COL10A1: variants seen among roughly 807,000 people sequenced by gnomAD.
The protein encoded by COL10A1 is collagen alpha-1(X) chain.
In COL10A1, 10 loss-of-function variants were observed where a neutral mutation model predicts 18.2. That is an observed-to-expected ratio of 0.55 (90% CI 0.34 to 0.93). COL10A1 has a LOEUF of 0.93. Among genes scored for constraint, COL10A1 ranks in the 40% least tolerant of loss-of-function variants. The pLI is 0.02. For synonymous variants in COL10A1, 330 were observed against 316.6 expected (o/e 1.04, Z -0.45); for missense variants, 897 against 853.5 (o/e 1.05, Z -0.64).
At chr6:116,141,004 T>C (rs980375403) in intron 1 of COL10A1, among the ~76,000 whole-genome samples, 1 of 152,186 alleles carries the variant, frequency 6.6e-6, no homozygotes, top group Admixed American at 6.5e-5. Flanking sequence ...TATGTATATT[T>C]TTCTGCTTCA....
chr6:116,146,438 T>G (rs1779899106), intron 1 of COL10A1, among the ~76,000 whole-genome samples: 1 of 152,124 alleles, frequency 6.6e-6, no homozygotes, highest in Non-Finnish European at 1.5e-5. Context: ...AGTAAATAAC[T>G]GGAGTTGCTT....
At position 116,120,579 on chromosome 6, in the gene COL10A1, G is replaced by A; in HGVS notation, c.1537C>T (p.Pro513Ser). ...EPGLPGPPGP[P>S]GPPGQAVMPE... ...ATGACTGCTTGACCTGGTGGGCCTGGAGGCCCAGGGGGCCCTGGAAGACCA... is the reference window on the plus strand; with the variant it reads ...ATGACTGCTTGACCTGGTGGGCCTGAAGGCCCAGGGGGCCCTGGAAGACCA... Residue 513 changes from proline to serine, a missense_variant, in exon 3 of 3, where the codon CCA becomes TCA. Coordinates refer to ENST00000651968, the MANE Select transcript of COL10A1 (RefSeq NM_000493.4). 6.3e-7 allele frequency: 1 copy of A among 1,599,026 alleles called. No individual in the cohort carries two copies. Among genetic ancestry groups the A allele is most frequent in the Non-Finnish European group, 8.5e-7 (1 of 1,173,868 alleles).
At chr6:116,215,683 C>A in the COL10A1 span, among the ~76,000 whole-genome samples, 1 of 152,094 alleles carries the variant, frequency 6.6e-6, no homozygotes, top group Non-Finnish European at 1.5e-5. Flanking sequence ...AAACTAGGTT[C>A]TTTTAGAATG....
At chr6:116,215,219 T>A in the COL10A1 span, among the ~76,000 whole-genome samples, 1 of 152,186 alleles carries the variant, frequency 6.6e-6, no homozygotes, top group Non-Finnish European at 1.5e-5. Flanking sequence ...GGAGGACACA[T>A]GCTTCTTACC....
In COL10A1 at chr6:116,125,637, G is replaced by A; in HGVS notation, c.-15-130C>T. ...CCTATCCTATATATTTTTAATATGT[G>A]CCATAAATAAATGAGAGATCATTTT... On this transcript the variant is annotated intron_variant, in intron 1 of 2. Transcript: ENST00000651968. The A allele has an allele frequency of 4.0e-6, 3 of 742,528 alleles. No individual in the cohort carries two copies. The South Asian group carries it at 5.6e-5, about 14-fold the overall frequency. The allele number at this position is 742,528 out of a possible 1,614,324, so 46.0% of individuals were successfully genotyped here.
intron 1 of COL10A1, among the ~76,000 whole-genome samples, chr6:116,154,258 T>C (rs993211369): frequency 2.0e-5 from 3 of 152,182 alleles, no homozygotes; most frequent in African/African-American, 7.2e-5. Context: ...ATATTCAATA[T>C]TTTAACAAAA....
intron 1 of COL10A1, among the ~76,000 whole-genome samples, chr6:116,143,358 G>C (rs977506268): frequency 6.6e-6 from 1 of 152,108 alleles, no homozygotes; most frequent in Admixed American, 6.6e-5. Context: ...TTATAGGCAT[G>C]CATCACCATA....
chr6:116,191,413 A>AT, the COL10A1 span, among the ~76,000 whole-genome samples: 879 of 152,152 alleles, frequency 5.8e-3, 17 homozygotes, highest in South Asian at 0.046. Flanking sequence ...AGGAGAGGAG[A>AT]TTCACGGGAA....
At chr6:116,138,086 G>A (rs532861758) in intron 1 of COL10A1, among the ~76,000 whole-genome samples, 78 of 152,034 alleles carry the variant, frequency 5.1e-4, no homozygotes, top group African/African-American at 1.8e-3. Context: ...CAAAAAAAAA[G>A]AAAAGAAAGA....
the COL10A1 span, among the ~76,000 whole-genome samples, chr6:116,198,758 C>G: frequency 6.6e-6 from 1 of 151,854 alleles, no homozygotes; most frequent in East Asian, 1.9e-4. Flanking sequence ...AAAAGGACTA[C>G]AGGAGTCTCT....
the COL10A1 span, among the ~76,000 whole-genome samples, chr6:116,195,046 A>T: frequency 1.3e-5 from 2 of 152,142 alleles, no homozygotes; most frequent in East Asian, 3.9e-4. Context: ...CTCTCTCTAT[A>T]TTCTGCTTTG....
At chr6:116,138,383 A>G (rs943675157) in intron 1 of COL10A1, among the ~76,000 whole-genome samples, 7 of 152,194 alleles carry the variant, frequency 4.6e-5, no homozygotes, top group African/African-American at 1.7e-4. Context: ...TGTGTTGGCT[A>G]TTCCTTGTTA....
intron 1 of COL10A1, among the ~76,000 whole-genome samples, chr6:116,157,608 A>T (rs1343647795): frequency 6.6e-6 from 1 of 152,190 alleles, no homozygotes; most frequent in Non-Finnish European, 1.5e-5. Context: ...TTTCCAGTAG[A>T]CCATAACAAA....
chr6:116,138,963 A>G (rs953006110), intron 1 of COL10A1, among the ~76,000 whole-genome samples: 5 of 152,162 alleles, frequency 3.3e-5, no homozygotes, highest in African/African-American at 9.6e-5. Flanking sequence ...TGTGACCAGT[A>G]GGATTTGTAT....
At chr6:116,145,263 A>C (rs956034555) in intron 1 of COL10A1, among the ~76,000 whole-genome samples, 5 of 152,162 alleles carry the variant, frequency 3.3e-5, no homozygotes, top group African/African-American at 1.2e-4. Context: ...GAAAGGTGTG[A>C]TATGATAAAA....
At chr6:116,185,956 T>C in the COL10A1 span, among the ~76,000 whole-genome samples, 1 of 152,128 alleles carries the variant, frequency 6.6e-6, no homozygotes. Context: ...ATTGTTGTTT[T>C]ATAGATCCTG....
chr6:116,152,534 C>T (rs1272429921), intron 1 of COL10A1, among the ~76,000 whole-genome samples: 1 of 152,192 alleles, frequency 6.6e-6, no homozygotes, highest in African/African-American at 2.4e-5. Context: ...GGCAGTCTGA[C>T]TCCTGTGTAC....
At chr6:116,169,816 G>A in the COL10A1 span, among the ~76,000 whole-genome samples, 1 of 152,150 alleles carries the variant, frequency 6.6e-6, no homozygotes, top group African/African-American at 2.4e-5. Context: ...TTGAAAGTGT[G>A]TATAGATGAT....
chr6:116,134,304 C>T (rs908559587), intron 1 of COL10A1, among the ~76,000 whole-genome samples: 1 of 152,054 alleles, frequency 6.6e-6, no homozygotes, highest in African/African-American at 2.4e-5. Flanking sequence ...GCTGTAGACT[C>T]ATGGAGATAA....
Sources: gnomAD v4.1 joint callset for allele counts (sites outside exome capture counted in the v4.1 genomes callset) on GRCh38, gnomAD v4.1.1 for gene constraint, MANE v1.5 for transcripts, NCBI Gene and HGNC (gene_info 2026-07-23, HGNC 2026-07-21) for gene names.